EHD2: variants seen among roughly 807,000 people sequenced by gnomAD.
The protein encoded by EHD2 is EH domain containing 2.
A neutral mutation model predicts 41.0 loss-of-function variants in EHD2; 27 were observed. The ratio of observed to expected loss-of-function variants is 0.66; its 90% CI spans 0.49 to 0.91. The LOEUF is 0.91. EHD2 is among the 40% of genes least tolerant of loss of function. The pLI is 0.00. For missense variants in EHD2, 673 were observed against 773.9 expected (o/e 0.87, Z 1.55); for synonymous variants, 342 against 341.0 (o/e 1.00, Z -0.03).
chr19:47,722,686 C>T (rs1973709774), intron 3 of EHD2, among the ~76,000 whole-genome samples: 2 of 152,120 alleles, frequency 1.3e-5, no homozygotes, highest in South Asian at 4.1e-4. Flanking sequence ...CTGCCTCAGC[C>T]TCCCGAATAG....
Position 47,722,009 on chromosome 19 carries a change from A to AACAC in EHD2, c.502+3448_502+3451dup, listed in dbSNP as rs201572396. Among the ~76,000 whole-genome samples, 1,305 of 130,700 alleles carry AACAC rather than the reference A, an allele frequency of 1.0e-2. 8 individuals carry two copies. The highest frequency in any genetic ancestry group is 0.013 in the Non-Finnish European group (813 of 60,454). 85.7% of individuals were successfully genotyped at this position (130,700 alleles called of 152,430 possible). On this transcript the variant is annotated intron_variant, in intron 3 of 5. Coordinates refer to ENST00000263277, the MANE Select transcript of EHD2 (RefSeq NM_014601.4). ...CAAAAATAAACAAACAGAAAAACAA[A>AACAC]ACACACACACACACACACACACACA...
chr19:47,740,376 C>G (rs1966972404), intron 5 of EHD2, among the ~76,000 whole-genome samples: 1 of 151,586 alleles, frequency 6.6e-6, no homozygotes, highest in Non-Finnish European at 1.5e-5. Context: ...GAGTTGGAAG[C>G]TGCAGTGAGC....
rs574646788 is a variant in EHD2 at position 47,741,429 on chromosome 19, G to A, written c.1629G>A (p.Glu543=). 4.0e-6 allele frequency: 6 copies of A among 1,496,876 alleles called. No homozygotes were observed. In the Admixed American group the frequency reaches 1.2e-4, roughly 31 times the overall value. The allele number at this position is 1,496,876 out of a possible 1,614,324, so 92.7% of individuals were successfully genotyped here. ...AGCGACGCCACAAGGGCTCCGCCGA[G>A]TGAGCCGGCCCCCCTCCCATGGCCC... ...PSKRRHKGSA[E] Residue 543 remains glutamate (E), a synonymous_variant, in exon 6 of 6, where the codon GAG becomes GAA. Coordinates refer to ENST00000263277, the MANE Select transcript of EHD2 (RefSeq NM_014601.4). The surrounding 1 kb of genome is among the most constrained non-coding windows in gnomAD (Gnocchi z 4.5).
In EHD2 at chr19:47,718,352, T is replaced by C. The variant is rs546267402; in HGVS notation, c.405-157T>C. 1.5e-4 allele frequency among the ~76,000 whole-genome samples: 22 copies of C among 151,408 alleles called. No homozygotes were observed. The South Asian group carries it at 4.6e-3, about 32-fold the overall frequency. On this transcript the variant is annotated intron_variant, in intron 2 of 5. Transcript: ENST00000263277. Reference sequence around the variant, plus strand: ...AACATGAGCTGTGGCTGGTTATAACTCTGAGATGGTCCTGGTTGCCCTTTT... The same window carrying C: ...AACATGAGCTGTGGCTGGTTATAACCCTGAGATGGTCCTGGTTGCCCTTTT...
chr19:47,722,317 A>T (rs1002083033), intron 3 of EHD2, among the ~76,000 whole-genome samples: 1 of 150,794 alleles, frequency 6.6e-6, no homozygotes. Flanking sequence ...CTGGGCCAGT[A>T]TGTGTGTTTG....
chr19:47,723,986 C>T (rs1396186306), intron 3 of EHD2, among the ~76,000 whole-genome samples: 1 of 151,324 alleles, frequency 6.6e-6, no homozygotes, highest in Admixed American at 6.6e-5. Context: ...TGTCTGGCCA[C>T]TTCCATCATT....
intron 2 of EHD2, 132 bp downstream of exon 2, chr19:47,717,148 A>G: frequency 8.4e-7 from 1 of 1,197,472 alleles, no homozygotes; most frequent in Non-Finnish European, 1.2e-6. Flanking sequence ...CCTGGGTTCA[A>G]GCAATTCTCC....
intron 3 of EHD2, among the ~76,000 whole-genome samples, chr19:47,724,003 T>C (rs1264823101): frequency 6.6e-6 from 1 of 151,378 alleles, no homozygotes; most frequent in East Asian, 1.9e-4. Context: ...CATTTTTAAA[T>C]GTACAGTTCA....
chr19:47,730,169 C>G (rs1431044967), intron 4 of EHD2, among the ~76,000 whole-genome samples: 1 of 151,238 alleles, frequency 6.6e-6, no homozygotes, highest in Non-Finnish European at 1.5e-5. Flanking sequence ...CCCGGCCCAG[C>G]CCGCCCTCTC....
At chr19:47,735,229 A>G (rs1966909075) in intron 4 of EHD2, among the ~76,000 whole-genome samples, 1 of 152,150 alleles carries the variant, frequency 6.6e-6, no homozygotes, top group Admixed American at 6.6e-5. Context: ...GAATGTTGAC[A>G]GGGCAATTAG....
chr19:47,726,533 TC>T (rs1568590420), intron 4 of EHD2, among the ~76,000 whole-genome samples: 2 of 121,524 alleles, frequency 1.6e-5, no homozygotes, highest in Non-Finnish European at 3.8e-5. Context: ...CTTCTCTCTT[TC>T]CTCCTCCTCC....
intron 4 of EHD2, among the ~76,000 whole-genome samples, chr19:47,728,571 CTTTTTTTTTTTTT>C (rs761204748): frequency 7.6e-6 from 1 of 131,158 alleles, no homozygotes; most frequent in Non-Finnish European, 1.6e-5. Flanking sequence ...TTCTTTCTTT[CTTTTTTTTTTTTT>C]TTGAGACAGG....
At chr19:47,738,698 G>C (rs1966950553) in intron 5 of EHD2, among the ~76,000 whole-genome samples, 1 of 152,234 alleles carries the variant, frequency 6.6e-6, no homozygotes, top group Non-Finnish European at 1.5e-5. Flanking sequence ...ACCTGTGCTT[G>C]CCTCAGTGGA....
rs1343100709 is a variant in EHD2, at chr19:47,736,499, C to T, written c.1046C>T (p.Ser349Phe). Residue 349 changes from serine (S) to phenylalanine (F), a missense_variant, in exon 5 of 6, where the codon TCC (serine) becomes TTC (phenylalanine). By Grantham distance (155) the Ser-to-Phe change is radical (BLOSUM62 -2). Coordinates refer to ENST00000263277, the MANE Select transcript of EHD2 (RefSeq NM_014601.4). ...AAGATTCAGCTGGAACATCACATCT[C>T]CCCTGGGGACTTTCCTGATTGCCAG... The part of the protein sequence containing the change: ...FAKIQLEHHI[S>F]PGDFPDCQKM... 1 of 1,604,178 alleles carries T rather than the reference C, an allele frequency of 6.2e-7. No homozygotes were observed. Among genetic ancestry groups the T allele is most frequent in the Non-Finnish European group, 8.5e-7 (1 of 1,175,400 alleles).
intron 4 of EHD2, chr19:47,731,282 A>ATATATATATATT: frequency 1.6e-5 from 1 of 60,694 alleles, no homozygotes; most frequent in Admixed American, 1.9e-4. Flanking sequence ...AAAAAAAAAT[A>ATATATATATATT]TATATATATA....
chr19:47,716,189 C>T lies in EHD2; in HGVS notation c.-55-369C>T, dbSNP rs1030252492. 2.8e-4 allele frequency among the ~76,000 whole-genome samples: 42 copies of T among 151,628 alleles called. 1 individual carries two copies. The highest frequency in any genetic ancestry group is 1.0e-3 in the African/African-American group (42 of 41,218). Reference sequence around the variant, plus strand: ...GAACTCCTGAGCTCAAGCAATCCTCCTGCCTCAGCCTCCCAAAGTGCTAGG... The same window carrying T: ...GAACTCCTGAGCTCAAGCAATCCTCTTGCCTCAGCCTCCCAAAGTGCTAGG... On this transcript the variant is annotated intron_variant, in intron 1 of 5. Coordinates refer to ENST00000263277, the MANE Select transcript of EHD2 (RefSeq NM_014601.4).
rs35766063 is a variant in EHD2, at chr19:47,731,785, A to ATTTT, written c.916-4567_916-4564dup. ...TTGTGTGTCTTTCCAGATATACTGC[A>ATTTT]TTTTTTTTTTTTTTTTTTTTGAGAC... On this transcript the variant is annotated intron_variant, in intron 4 of 5. Coordinates refer to ENST00000263277, the MANE Select transcript of EHD2 (RefSeq NM_014601.4). 3.1e-4 allele frequency among the ~76,000 whole-genome samples: 35 copies of ATTTT among 112,822 alleles called. 1 individual carries two copies. The highest frequency in any genetic ancestry group is 7.1e-4 in the African/African-American group (21 of 29,730). The allele number at this position is 112,822 out of a possible 152,430, so 74.0% of individuals were successfully genotyped here. A position where few individuals can be genotyped will look rare whatever the true frequency, so the allele number is the denominator to read the frequency against.
chr19:47,715,268 C>T (rs3760822), intron 1 of EHD2, among the ~76,000 whole-genome samples: 32,376 of 151,712 alleles, frequency 0.21, 4,004 homozygotes, highest in East Asian at 0.52. Context: ...CATTTCTCAC[C>T]CCTCCTCTTT....
At chr19:47,737,304 TTTTA>T (rs1291652413) in intron 5 of EHD2, among the ~76,000 whole-genome samples, 1 of 151,914 alleles carries the variant, frequency 6.6e-6, no homozygotes, top group East Asian at 1.9e-4. Context: ...ACACTGTTTA[TTTTA>T]TTTTCATTTA....
Sources: gnomAD v4.1 joint callset for allele counts (sites outside exome capture counted in the v4.1 genomes callset) on GRCh38, gnomAD v4.1.1 for gene constraint, Gnocchi (gnomAD v3.1) non-coding constraint, MANE v1.5 for transcripts, NCBI Gene and HGNC (gene_info 2026-07-23, HGNC 2026-07-21) for gene names.